Variants in STAU2 observed in about 807,000 individuals in gnomAD.
STAU2 encodes double-stranded RNA-binding protein Staufen homolog 2.
A neutral mutation model predicts 65.9 loss-of-function variants in STAU2; 20 were observed. That is an observed-to-expected ratio of 0.30 (90% CI 0.21 to 0.44). The LOEUF (loss-of-function observed/expected upper bound fraction) is 0.44, where lower values mean the gene tolerates loss of function less well. Among genes scored for constraint, STAU2 ranks in the 20% least tolerant of loss-of-function variants. The pLI, the probability that STAU2 is intolerant of heterozygous loss-of-function variation, is 1.00. For missense variants in STAU2, 558 were observed against 683.9 expected (o/e 0.82, Z 2.05); for synonymous variants, 232 against 233.9 (o/e 0.99, Z 0.07).
intron 12 of STAU2, among the ~76,000 whole-genome samples, chr8:73,581,613 C>T (rs1809990605): frequency 6.6e-6 from 1 of 152,168 alleles, no homozygotes; most frequent in Non-Finnish European, 1.5e-5. Flanking sequence ...GAACTGAACA[C>T]AAACTCTAGG....
intron 3 of STAU2, among the ~76,000 whole-genome samples, chr8:73,717,382 C>T (rs753211935): frequency 3.3e-5 from 5 of 152,068 alleles, no homozygotes; most frequent in Non-Finnish European, 5.9e-5. Flanking sequence ...TTTTCTTCCA[C>T]GAACATTATA....
chr8:73,543,992 G>T (rs1284810443), intron 13 of STAU2, among the ~76,000 whole-genome samples: 1 of 152,082 alleles, frequency 6.6e-6, no homozygotes, highest in East Asian at 1.9e-4. Flanking sequence ...CGTTTAAAAT[G>T]GAACTTGTTA....
At chr8:73,700,886 T>C (rs991318873) in intron 4 of STAU2, among the ~76,000 whole-genome samples, 3 of 151,984 alleles carry the variant, frequency 2.0e-5, no homozygotes, top group South Asian at 2.1e-4. Flanking sequence ...TACAGAGCTA[T>C]AGAAACCAAA....
chr8:73,650,690 G>C (rs1280267604), intron 6 of STAU2, among the ~76,000 whole-genome samples: 1 of 152,084 alleles, frequency 6.6e-6, no homozygotes, highest in Non-Finnish European at 1.5e-5. Context: ...GTTGACTTTT[G>C]ATCTACAACT....
At chr8:73,566,635 C>T (rs1279044859) in intron 12 of STAU2, among the ~76,000 whole-genome samples, 1 of 152,072 alleles carries the variant, frequency 6.6e-6, no homozygotes, top group African/African-American at 2.4e-5. Context: ...ACTGCAGAGA[C>T]CCTGGAGTCA....
chr8:73,712,276 G>A (rs1403956876), intron 3 of STAU2, among the ~76,000 whole-genome samples: 1 of 152,122 alleles, frequency 6.6e-6, no homozygotes, highest in South Asian at 2.1e-4. Context: ...TAATAAAAAT[G>A]GATTCACAAT....
intron 4 of STAU2, among the ~76,000 whole-genome samples, chr8:73,708,069 A>G (rs1007909862): frequency 6.6e-6 from 1 of 151,748 alleles, no homozygotes; most frequent in African/African-American, 2.4e-5. Flanking sequence ...GGAAAGGTAG[A>G]CCAAGGCTAC....
At chr8:73,690,899 T>A (rs2130539849) in intron 4 of STAU2, among the ~76,000 whole-genome samples, 1 of 152,326 alleles carries the variant, frequency 6.6e-6, no homozygotes, top group East Asian at 1.9e-4. Flanking sequence ...TCTCTCTGGT[T>A]TCAGAATGAT....
chr8:73,423,291 G>C (rs577297715), intron 13 of STAU2, among the ~76,000 whole-genome samples: 1 of 152,304 alleles, frequency 6.6e-6, no homozygotes, highest in South Asian at 2.1e-4. Context: ...AGAGCCTCCC[G>C]AGGTGTTGAT....
intron 3 of STAU2, 61 bp downstream of exon 3, chr8:73,738,223 G>A (rs1806581266): frequency 2.8e-6 from 4 of 1,428,528 alleles, no homozygotes; most frequent in East Asian, 2.3e-5. Flanking sequence ...GAGTTAAAAT[G>A]TTCCACAATT....
Position 73,613,891 on chromosome 8 carries a change from G to A in STAU2, c.744C>T (p.Phe248=). The A allele has an allele frequency of 1.2e-6, 2 of 1,613,764 alleles. No individual in the cohort carries two copies. Among genetic ancestry groups the A allele is most frequent in the Non-Finnish European group, 1.7e-6 (2 of 1,179,890 alleles). ...SFVTRVSVGE[F]SAEGEGNSKK... is the part of the protein sequence containing the mutation. Reference sequence around the variant, plus strand: ...TGCTATTTCCTTCTCCTTCTGCAGAGAACTCTCCTACTGACACTCGAGTAA... The same window carrying A: ...TGCTATTTCCTTCTCCTTCTGCAGAAAACTCTCCTACTGACACTCGAGTAA... The change falls in exon 9 of 15, where the codon TTC becomes TTT. Residue 248 remains phenylalanine (F), a synonymous_variant. Transcript: ENST00000524300.
rs1040465202 is a variant in STAU2, at chr8:73,487,050, C to A, written c.1531-64348G>T. ...CTATATGTAATATTTCAAAACTTCC[C>A]TTTCTCACTGGCCATTGAACTCTTG... On this transcript the variant is annotated intron_variant, in intron 13 of 14. Transcript: ENST00000524300. 1.2e-4 allele frequency among the ~76,000 whole-genome samples: 18 copies of A among 152,146 alleles called. 1 individual carries two copies. Among genetic ancestry groups the A allele is most frequent in the African/African-American group, 4.1e-4 (17 of 41,540 alleles).
At chr8:73,563,549 G>A (rs544726812) in intron 12 of STAU2, among the ~76,000 whole-genome samples, 2 of 152,232 alleles carry the variant, frequency 1.3e-5, no homozygotes, top group South Asian at 4.2e-4. Context: ...CCTTAGTTGT[G>A]ATATTGTACT....
chr8:73,743,155 T>C (rs1166311993), intron 1 of STAU2, among the ~76,000 whole-genome samples: 1 of 151,992 alleles, frequency 6.6e-6, no homozygotes, highest in Admixed American at 6.6e-5. Flanking sequence ...ACTGCTTTTA[T>C]GTAAGGAAAA....
At chr8:73,596,623 A>C (rs889130657) in intron 10 of STAU2, among the ~76,000 whole-genome samples, 1 of 152,102 alleles carries the variant, frequency 6.6e-6, no homozygotes, top group Non-Finnish European at 1.5e-5. Context: ...CAACACTAGG[A>C]GGATTGTTTG....
At chr8:73,462,116 G>A (rs1290785865) in intron 13 of STAU2, among the ~76,000 whole-genome samples, 1 of 151,668 alleles carries the variant, frequency 6.6e-6, no homozygotes, top group Admixed American at 6.6e-5. Context: ...TTTTGCTTTT[G>A]TCACCTAGGA....
intron 13 of STAU2, among the ~76,000 whole-genome samples, chr8:73,473,147 AG>A (rs1393111967): frequency 2.6e-5 from 4 of 152,332 alleles, no homozygotes; most frequent in Middle Eastern, 6.8e-3. Flanking sequence ...ATATGCTGGC[AG>A]GCCGAGCAGT....
intron 9 of STAU2, among the ~76,000 whole-genome samples, chr8:73,605,307 C>CTTTTTTTTTT (rs760108756): frequency 8.1e-6 from 1 of 124,030 alleles, no homozygotes; most frequent in Admixed American, 8.3e-5. Flanking sequence ...GGCTTTTTTC[C>CTTTTTTTTTT]TTTTTTTTTT....
At chr8:73,617,595 A>T in intron 6 of STAU2, 144 bp from the exon 7 acceptor site, 1 of 746,680 alleles carries the variant, frequency 1.3e-6, no homozygotes. Context: ...CTTTTTTGAT[A>T]AAATGTGAGT....
Sources: gnomAD v4.1 joint callset for allele counts (sites outside exome capture counted in the v4.1 genomes callset) on GRCh38, gnomAD v4.1.1 for gene constraint, MANE v1.5 for transcripts, NCBI Gene and HGNC (gene_info 2026-07-23, HGNC 2026-07-21) for gene names.